GREM2: variants seen among roughly 807,000 people sequenced by gnomAD.
GREM2 encodes gremlin 2, DAN family BMP antagonist.
In GREM2, 11 loss-of-function variants were observed where a neutral mutation model predicts 14.2. The ratio of observed to expected loss-of-function variants is 0.78; its 90% confidence interval spans 0.49 to 1.28. The LOEUF is 1.28. GREM2 is among the 50% of genes most tolerant of loss of function. GREM2 has a pLI of 0.00. For missense variants in GREM2, 210 were observed against 218.5 expected, an observed-to-expected ratio of 0.96 and a Z score of 0.24; for synonymous variants, 98 against 97.6, an observed-to-expected ratio of 1.00 and a Z score of -0.02.
At chr1:240,604,071 A>C (rs1460871723) in intron 1 of GREM2, among the ~76,000 whole-genome samples, 1 of 151,700 alleles carries the variant, frequency 6.6e-6, no homozygotes, top group Non-Finnish European at 1.5e-5. Flanking sequence ...AGGGAGCAGG[A>C]GAGAAGGAAG....
At position 240,540,342 on chromosome 1, in the gene GREM2, C is replaced by T. The variant is rs77970866; in HGVS notation, c.-1-46866G>A. ...TCCAAAAGGGGGCATAAAGGAACATCGTGAGTCCTTCAATTGCTGCCAAGT... is the reference window on the plus strand; with the variant it reads ...TCCAAAAGGGGGCATAAAGGAACATTGTGAGTCCTTCAATTGCTGCCAAGT... On this transcript the variant is annotated intron_variant, in intron 1 of 1. Coordinates refer to ENST00000318160, the MANE Select transcript of GREM2 (RefSeq NM_022469.4). This position sits in a 1 kb window ranked among gnomAD's most constrained non-coding sequence, Gnocchi z 4.2. Among the ~76,000 whole-genome samples the T allele has an allele frequency of 0.014, 2,175 of 152,208 alleles. 44 individuals are homozygous for T. Among genetic ancestry groups the T allele is most frequent in the African/African-American group, 0.049 (2,048 of 41,520 alleles).
At chr1:240,494,844 T>C (rs1677372003) in intron 1 of GREM2, among the ~76,000 whole-genome samples, 1 of 152,002 alleles carries the variant, frequency 6.6e-6, no homozygotes, top group African/African-American at 2.4e-5. Context: ...GAGCTTGCAA[T>C]GAGCCGAGAT....
chr1:240,537,550 C>G (rs1024519241), intron 1 of GREM2, among the ~76,000 whole-genome samples: 5 of 151,990 alleles, frequency 3.3e-5, no homozygotes, highest in Admixed American at 3.3e-4. Context: ...TTTGGGAGGC[C>G]GAGGTGGGTG....
chr1:240,601,917 A>C (rs950497250), intron 1 of GREM2, among the ~76,000 whole-genome samples: 1 of 150,432 alleles, frequency 6.6e-6, no homozygotes, highest in African/African-American at 2.5e-5. Flanking sequence ...CATCTCAAAA[A>C]AAAAAAAAAA....
chr1:240,545,070 T>C (rs1678688684), intron 1 of GREM2, among the ~76,000 whole-genome samples: 1 of 152,210 alleles, frequency 6.6e-6, no homozygotes, highest in Admixed American at 6.5e-5. Flanking sequence ...GCTGATGTTG[T>C]CTGATGGCTG....
At chr1:240,588,168 T>A (rs1679637625) in intron 1 of GREM2, among the ~76,000 whole-genome samples, 1 of 152,148 alleles carries the variant, frequency 6.6e-6, no homozygotes, top group Non-Finnish European at 1.5e-5. Flanking sequence ...TTTTGTACTG[T>A]TTTTCAGTGT....
chr1:240,538,404 G>A (rs146803762), intron 1 of GREM2, among the ~76,000 whole-genome samples: 64 of 152,170 alleles, frequency 4.2e-4, no homozygotes, highest in African/African-American at 1.5e-3. Flanking sequence ...TTAAAGACAT[G>A]TAAAGACTTT....
intron 1 of GREM2, among the ~76,000 whole-genome samples, chr1:240,592,862 G>A (rs1176822188): frequency 1.3e-5 from 2 of 152,010 alleles, no homozygotes; most frequent in Admixed American, 6.6e-5. Context: ...GGCCGGGCAC[G>A]GTGGCTCAAG....
At chr1:240,510,950 G>A (rs1049849840) in intron 1 of GREM2, among the ~76,000 whole-genome samples, 1 of 152,132 alleles carries the variant, frequency 6.6e-6, no homozygotes, top group African/African-American at 2.4e-5. Context: ...TTTGCTATTT[G>A]TAGAAATTTT....
chr1:240,504,427 T>G lies in GREM2; in HGVS notation c.-1-10951A>C, dbSNP rs74149146. On this transcript the variant is annotated intron_variant, in intron 1 of 1. Transcript: ENST00000318160. The stretch of plus-strand genomic sequence containing the variant: ...GAGTACAAGGGTAGTTTTAGGGGAA[T>G]CAATATACAAATCCTCAACTTCCAT... Among the ~76,000 whole-genome samples, 6 of 152,292 alleles carry G rather than the reference T, an allele frequency of 3.9e-5. No homozygotes were observed. In the South Asian group the frequency reaches 1.2e-3, roughly 32 times the overall value.
intron 1 of GREM2, among the ~76,000 whole-genome samples, chr1:240,504,116 C>T (rs1347184582): frequency 2.0e-5 from 3 of 152,114 alleles, no homozygotes; most frequent in Non-Finnish European, 2.9e-5. Flanking sequence ...CCTTTAATCA[C>T]AATAATTTAA....
intron 1 of GREM2, among the ~76,000 whole-genome samples, chr1:240,571,445 G>C (rs1679259154): frequency 6.6e-6 from 1 of 152,170 alleles, no homozygotes; most frequent in African/African-American, 2.4e-5. Context: ...TGTAATCCCA[G>C]CACTTTGGGA....
chr1:240,568,102 C>T (rs997192109), intron 1 of GREM2, among the ~76,000 whole-genome samples: 3 of 151,878 alleles, frequency 2.0e-5, no homozygotes, highest in African/African-American at 7.3e-5. Context: ...GAGTGAGACC[C>T]TGTCTCAAAA....
At chr1:240,507,997 T>C (rs1050820055) in intron 1 of GREM2, among the ~76,000 whole-genome samples, 1 of 152,212 alleles carries the variant, frequency 6.6e-6, no homozygotes, top group Admixed American at 6.5e-5. Flanking sequence ...GAACCCAAGA[T>C]ACATCATCCT....
chr1:240,554,881 C>T lies in GREM2; in HGVS notation c.-2+57003G>A, dbSNP rs555477899. ...AATTGTGGGTGGGTGCGGTGGCTCA[C>T]GCCTGTAATTCCAGCACTTTGGGAG... is the stretch of plus-strand genomic sequence containing the variant. On this transcript the variant is annotated intron_variant, in intron 1 of 1. Transcript: ENST00000318160. 7.2e-5 allele frequency among the ~76,000 whole-genome samples: 11 copies of T among 152,244 alleles called. No homozygotes were observed. In the South Asian group the frequency reaches 1.9e-3, roughly 26 times the overall value.
chr1:240,512,963 T>C (rs1038418061), intron 1 of GREM2, among the ~76,000 whole-genome samples: 1 of 152,154 alleles, frequency 6.6e-6, no homozygotes, highest in Non-Finnish European at 1.5e-5. Context: ...GGTGCAGTGG[T>C]GGGTACTAGG....
At position 240,535,375 on chromosome 1, in the gene GREM2, T is replaced by G. The variant is rs1015843536; in HGVS notation, c.-1-41899A>C. Among the ~76,000 whole-genome samples the G allele has an allele frequency of 2.0e-5, 3 of 152,228 alleles. No individual in the cohort carries two copies. The East Asian group carries it at 5.8e-4, about 29-fold the overall frequency. On this transcript the variant is annotated intron_variant, in intron 1 of 1. Transcript: ENST00000318160. ...TCAAAACCAGTTTTGTGTTTGTTTT[T>G]GTTTTTTAACTACAACATTTCTTTG...
chr1:240,600,773 C>T (rs571101133), intron 1 of GREM2, among the ~76,000 whole-genome samples: 41 of 152,228 alleles, frequency 2.7e-4, no homozygotes, highest in Non-Finnish European at 1.5e-4. Context: ...CGTGAGCCAC[C>T]GTGCCTGGCT....
intron 1 of GREM2, among the ~76,000 whole-genome samples, chr1:240,586,700 G>T (rs560137345): frequency 4.6e-5 from 7 of 152,192 alleles, no homozygotes; most frequent in Non-Finnish European, 8.8e-5. Context: ...GGTCAATCAG[G>T]TGTCACCCTG....
Sources: gnomAD v4.1 joint callset for allele counts (sites outside exome capture counted in the v4.1 genomes callset) on GRCh38, gnomAD v4.1.1 for gene constraint, Gnocchi (gnomAD v3.1) non-coding constraint, MANE v1.5 for transcripts, NCBI Gene and HGNC (gene_info 2026-07-23, HGNC 2026-07-21) for gene names.